BZW2: variants seen among roughly 807,000 people sequenced by gnomAD.
BZW2 encodes the protein basic leucine zipper and W2 domains 2, also known as eIF5-mimic protein 1.
In BZW2, 23 loss-of-function variants were observed where a neutral mutation model predicts 53.2. The observed-to-expected ratio is 0.43, with a 90% CI of 0.31 to 0.61. BZW2 has a LOEUF of 0.61. Ranked by LOEUF, BZW2 falls within the 20% of genes least tolerant of loss-of-function variation. The pLI is 0.09. For synonymous variants in BZW2, 227 were observed against 186.4 expected (o/e 1.22, Z -1.77); for missense variants, 409 against 503.1 (o/e 0.81, Z 1.79).
At position 16,657,805 on chromosome 7, in the gene BZW2, A is replaced by C. The variant is rs140850708; in HGVS notation, c.-7-7632A>C. ...TGCAAAATTTTCAGCCCTTGAGAGC[A>C]GGGACCACCTCTGGCTTTGCTCACC... On this transcript the variant is annotated intron_variant, in intron 1 of 11. Coordinates refer to ENST00000258761, the MANE Select transcript of BZW2 (RefSeq NM_014038.3). Among the ~76,000 whole-genome samples, 43 of 152,290 alleles carry C rather than the reference A, an allele frequency of 2.8e-4. No homozygotes were observed. In the East Asian group the frequency reaches 8.1e-3, roughly 29 times the overall value.
chr7:16,674,159 C>T (rs1562484532), intron 2 of BZW2, among the ~76,000 whole-genome samples: 1 of 152,212 alleles, frequency 6.6e-6, no homozygotes, highest in South Asian at 2.1e-4. Flanking sequence ...CTTGGCCTCC[C>T]AAAGTGCTGG....
intron 3 of BZW2, among the ~76,000 whole-genome samples, chr7:16,677,195 T>A (rs1022130225): frequency 1.1e-4 from 17 of 152,170 alleles, no homozygotes; most frequent in African/African-American, 3.9e-4. Flanking sequence ...CCCACTGTGC[T>A]CTCAGGCAAT....
intron 2 of BZW2, among the ~76,000 whole-genome samples, chr7:16,673,890 G>GTTA (rs975497802): frequency 6.6e-6 from 1 of 151,962 alleles, no homozygotes; most frequent in African/African-American, 2.4e-5. Context: ...TCTGCAATAA[G>GTTA]TTATTATTAT....
At chr7:16,684,610 T>C (rs1358188118) in intron 5 of BZW2, among the ~76,000 whole-genome samples, 1 of 152,162 alleles carries the variant, frequency 6.6e-6, no homozygotes, top group Non-Finnish European at 1.5e-5. Context: ...TAAATGTTAT[T>C]TATTTTTATA....
chr7:16,684,511 TA>T (rs1783054839), intron 5 of BZW2, among the ~76,000 whole-genome samples: 1 of 152,248 alleles, frequency 6.6e-6, no homozygotes, highest in Admixed American at 6.5e-5. Flanking sequence ...TGTGATTAAG[TA>T]TATTTTAAAT....
chr7:16,665,557 TGGAGAAGA>T, intron 2 of BZW2, 56 bp downstream of exon 2: 1 of 1,591,054 alleles, frequency 6.3e-7, no homozygotes, highest in South Asian at 1.1e-5. Flanking sequence ...AATATAAGAT[TGGAGAAGA>T]ATCTGAATGA....
intron 1 of BZW2, among the ~76,000 whole-genome samples, chr7:16,653,203 A>G (rs746687401): frequency 1.3e-5 from 2 of 152,140 alleles, no homozygotes; most frequent in African/African-American, 2.4e-5. Context: ...CTGAAGGTCC[A>G]CTATTACGAT....
chr7:16,701,253 T>A (rs1783657295), intron 10 of BZW2, among the ~76,000 whole-genome samples: 1 of 152,196 alleles, frequency 6.6e-6, no homozygotes, highest in Non-Finnish European at 1.5e-5. Context: ...TATTGACTTT[T>A]AAAAATAATT....
chr7:16,688,448 G>A (rs1480856751), intron 6 of BZW2: 1 of 152,230 alleles, frequency 6.6e-6, no homozygotes, highest in Admixed American at 6.5e-5. Context: ...ACTAGTGCAG[G>A]TCCAGTAGCA....
intron 1 of BZW2, among the ~76,000 whole-genome samples, chr7:16,651,785 G>A (rs759199830): frequency 5.9e-5 from 9 of 151,938 alleles, no homozygotes; most frequent in African/African-American, 1.7e-4. Flanking sequence ...CCCCCCCACC[G>A]CTTAATAGAA....
intron 5 of BZW2, 21 bp downstream of exon 5, chr7:16,682,866 CCTAT>C (rs762626555): frequency 1.3e-5 from 20 of 1,505,848 alleles, no homozygotes; most frequent in Non-Finnish European, 1.7e-5. Context: ...AAATATAATG[CCTAT>C]CTGTTTTATA....
chr7:16,686,211 C>A, intron 6 of BZW2, 171 bp downstream of exon 6: 2 of 1,051,496 alleles, frequency 1.9e-6, no homozygotes, highest in Non-Finnish European at 2.7e-6. Context: ...AAGGAGTGGA[C>A]TTGTTAATTG....
intron 2 of BZW2, among the ~76,000 whole-genome samples, chr7:16,671,444 C>T (rs62440996): frequency 0.15 from 22,180 of 152,118 alleles, 2,057 homozygotes; most frequent in Non-Finnish European, 0.22. Flanking sequence ...CTTTGTTGTA[C>T]GAATCTCTTA....
intron 3 of BZW2, among the ~76,000 whole-genome samples, chr7:16,679,479 C>G (rs981875273): frequency 2.0e-5 from 3 of 152,204 alleles, no homozygotes; most frequent in African/African-American, 4.8e-5. Context: ...AAGGGGCTGA[C>G]TTCTCCAAAA....
chr7:16,705,089 G>A (rs1161717924), intron 11 of BZW2, among the ~76,000 whole-genome samples: 5 of 152,210 alleles, frequency 3.3e-5, no homozygotes, highest in African/African-American at 4.8e-5. Context: ...AGGTGTGGTG[G>A]CTCACACCTG....
intron 7 of BZW2, among the ~76,000 whole-genome samples, chr7:16,693,058 C>T (rs1292791155): frequency 1.3e-5 from 2 of 152,134 alleles, no homozygotes; most frequent in African/African-American, 4.8e-5. Flanking sequence ...AGGGCTTTGG[C>T]TTGTATTCCA....
chr7:16,696,640 A>G (rs770133262), intron 8 of BZW2, among the ~76,000 whole-genome samples: 2 of 152,212 alleles, frequency 1.3e-5, no homozygotes, highest in Non-Finnish European at 2.9e-5. Context: ...GGGTTTCTCT[A>G]TGAGGAAACA....
At chr7:16,664,347 G>C (rs985747071) in intron 1 of BZW2, among the ~76,000 whole-genome samples, 2 of 152,208 alleles carry the variant, frequency 1.3e-5, no homozygotes, top group Non-Finnish European at 2.9e-5. Context: ...CAAGTAAGGA[G>C]AGCTAGTGAC....
intron 1 of BZW2, among the ~76,000 whole-genome samples, chr7:16,653,677 G>T (rs578013263): frequency 1.8e-3 from 270 of 152,292 alleles, no homozygotes; most frequent in Middle Eastern, 3.4e-3. Context: ...CATTGGAGAT[G>T]AGAATACTCA....
Sources: allele counts gnomAD v4.1 joint callset (sites outside exome capture counted in the v4.1 genomes callset), GRCh38; gene constraint gnomAD v4.1.1; transcripts MANE v1.5; gene names NCBI Gene and HGNC (gene_info 2026-07-23, HGNC 2026-07-21).